Variants in CSTF3 observed in about 807,000 individuals in gnomAD.
CSTF3 encodes CF-1 77 kDa subunit.
CSTF3 carries 29 observed loss-of-function variants against 105.8 expected under a neutral mutation model. That is an observed-to-expected ratio of 0.27 (90% CI 0.20 to 0.37). CSTF3 has a LOEUF of 0.37. Ranked by LOEUF, CSTF3 falls within the 10% of genes least tolerant of loss-of-function variation. The pLI is 1.00. For missense variants in CSTF3, 357 were observed against 879.3 expected, an observed-to-expected ratio of 0.41 and a Z score of 7.51; for synonymous variants, 252 against 281.9, an observed-to-expected ratio of 0.89 and a Z score of 1.06.
chr11:33,123,179 T>A (rs12808685), intron 3 of CSTF3, among the ~76,000 whole-genome samples: 3 of 149,040 alleles, frequency 2.0e-5, no homozygotes, highest in African/African-American at 2.5e-5. Context: ...TGTGCTCTTG[T>A]AAAGATGAAA....
intron 1 of CSTF3, among the ~76,000 whole-genome samples, chr11:33,145,296 G>T (rs1002367108): frequency 6.6e-6 from 1 of 151,962 alleles, no homozygotes; most frequent in African/African-American, 2.4e-5. Flanking sequence ...AATTAGTGGG[G>T]CATGGTGGCA....
chr11:33,153,167 A>C (rs892974603), intron 1 of CSTF3, among the ~76,000 whole-genome samples: 1 of 152,168 alleles, frequency 6.6e-6, no homozygotes, highest in Non-Finnish European at 1.5e-5. Context: ...TGATCTTTTA[A>C]ATGTCTGGCT....
intron 3 of CSTF3, among the ~76,000 whole-genome samples, chr11:33,108,920 CAT>C (rs1454232532): frequency 6.6e-6 from 1 of 152,144 alleles, no homozygotes; most frequent in Non-Finnish European, 1.5e-5. Context: ...CCCCTGCCCT[CAT>C]AGAGCTTACA....
At chr11:33,127,702 G>GT (rs1432272195) in intron 3 of CSTF3, among the ~76,000 whole-genome samples, 5 of 152,144 alleles carry the variant, frequency 3.3e-5, no homozygotes, top group Non-Finnish European at 5.9e-5. Flanking sequence ...ATGTTTTTGG[G>GT]TTTTGAGAGA....
chr11:33,098,628 T>C, intron 13 of CSTF3, 62 bp downstream of exon 13: 1 of 972,914 alleles, frequency 1.0e-6, no homozygotes, highest in South Asian at 1.5e-5. Flanking sequence ...TATATAAATT[T>C]AAATTATTTT....
At chr11:33,155,433 A>AT (rs1849850730) in intron 1 of CSTF3, among the ~76,000 whole-genome samples, 1 of 151,908 alleles carries the variant, frequency 6.6e-6, no homozygotes, top group Non-Finnish European at 1.5e-5. Context: ...TCAAATAATT[A>AT]TATTTACCAT....
chr11:33,150,236 A>G (rs910742156), intron 1 of CSTF3, among the ~76,000 whole-genome samples: 13 of 91,762 alleles, frequency 1.4e-4, no homozygotes, highest in South Asian at 3.9e-4. Flanking sequence ...AAAAAAAAAA[A>G]AAAGAAAAGA....
chr11:33,085,354 T>C (rs1855093818), intron 20 of CSTF3, 65 bp from the exon 21 acceptor site: 1 of 1,050,546 alleles, frequency 9.5e-7, no homozygotes. Flanking sequence ...TATGTTCAAC[T>C]GTGGATACTT....
rs1855174492 is a variant in CSTF3 at position 33,091,990 on chromosome 11, CA to C, written c.1445+280del. Among the ~76,000 whole-genome samples, 4 of 152,256 alleles carry C rather than the reference CA, an allele frequency of 2.6e-5. No individual in the cohort carries two copies. The South Asian group carries it at 8.3e-4, about 32-fold the overall frequency. ...TTGGCCTCCCAAAATGCTGGGATTA[CA>C]GACATGAGCCACAATTTCTGGTTAG... On this transcript the variant is annotated intron_variant, in intron 16 of 20. Coordinates refer to ENST00000323959, the MANE Select transcript of CSTF3 (RefSeq NM_001326.3).
intron 3 of CSTF3, among the ~76,000 whole-genome samples, chr11:33,108,895 G>A (rs1288559630): frequency 6.6e-6 from 1 of 152,198 alleles, no homozygotes; most frequent in Non-Finnish European, 1.5e-5. Flanking sequence ...CTACCACTGT[G>A]ACAAGACAGG....
intron 8 of CSTF3, 88 bp downstream of exon 8, chr11:33,105,479 T>C: frequency 1.6e-6 from 2 of 1,268,998 alleles, no homozygotes; most frequent in African/African-American, 3.0e-5. Flanking sequence ...GTAACACTGA[T>C]ACAGAAAGGC....
chr11:33,096,652 C>G (rs913014075), intron 14 of CSTF3, among the ~76,000 whole-genome samples, 183 bp downstream of exon 14: 11 of 152,100 alleles, frequency 7.2e-5, no homozygotes, highest in African/African-American at 2.7e-4. Flanking sequence ...ATTAATGAAG[C>G]ATAAATTAGC....
At position 33,127,959 on chromosome 11, in the gene CSTF3, A is replaced by G. The variant is rs547897037; in HGVS notation, c.225+13708T>C. The stretch of plus-strand genomic sequence containing the variant: ...CAAATTAACTTAAATATTTATCCAA[A>G]AGGGGGGAAAACTTTCCATTTTTTC... On this transcript the variant is annotated intron_variant, in intron 3 of 20. Coordinates refer to ENST00000323959, the MANE Select transcript of CSTF3 (RefSeq NM_001326.3). Among the ~76,000 whole-genome samples, 4 of 152,308 alleles carry G rather than the reference A, an allele frequency of 2.6e-5. No homozygotes were observed. In the South Asian group the frequency reaches 6.2e-4, roughly 24 times the overall value.
At chr11:33,132,997 G>C (rs528159237) in intron 3 of CSTF3, among the ~76,000 whole-genome samples, 2 of 151,898 alleles carry the variant, frequency 1.3e-5, no homozygotes, top group South Asian at 4.1e-4. Context: ...CAATTTTTAA[G>C]TTTTCTTCCC....
chr11:33,122,914 C>CAAAAAAAAAAAAA (rs10600978), intron 3 of CSTF3, among the ~76,000 whole-genome samples: 21 of 83,766 alleles, frequency 2.5e-4, no homozygotes, highest in African/African-American at 7.0e-4. Flanking sequence ...TATCCTGTCT[C>CAAAAAAAAAAAAA]AAAAAAAAAA....
At chr11:33,156,431 G>C (rs546699482) in intron 1 of CSTF3, among the ~76,000 whole-genome samples, 36 of 152,102 alleles carry the variant, frequency 2.4e-4, no homozygotes, top group Non-Finnish European at 4.9e-4. Context: ...TCAATGCTGT[G>C]GGTGTTTCAA....
Position 33,085,988 on chromosome 11 carries a change from A to G in CSTF3, c.1797T>C (p.Pro599=). ...MIPFQPRHLA[P]PGLHPVPGGV... ...CACCAGGTACAGGGTGTAAACCTGGAGCTGTGAGAAAAAGAAAAGTATGAA... is the reference window on the plus strand; with the variant it reads ...CACCAGGTACAGGGTGTAAACCTGGGGCTGTGAGAAAAAGAAAAGTATGAA... The change falls in exon 19 of 21, where the codon CCT becomes CCC. Residue 599 remains proline, a splice_region_variant and synonymous_variant. Transcript: ENST00000323959. The G allele has an allele frequency of 6.8e-7, 1 of 1,478,428 alleles. No homozygotes were observed. The allele number at this position is 1,478,428 out of a possible 1,614,324, so 91.6% of individuals were successfully genotyped here. A position where few individuals can be genotyped will look rare whatever the true frequency, so the allele number is the denominator to read the frequency against.
intron 5 of CSTF3, among the ~76,000 whole-genome samples, 163 bp downstream of exon 5, chr11:33,107,738 CTT>C (rs1855341076): frequency 6.6e-6 from 1 of 152,220 alleles, no homozygotes; most frequent in Non-Finnish European, 1.5e-5. Flanking sequence ...ATGCCAGTGA[CTT>C]TCTCTGAAGC....
intron 5 of CSTF3, 29 bp downstream of exon 5, chr11:33,107,874 T>C (rs760478417): frequency 7.4e-7 from 1 of 1,347,112 alleles, no homozygotes; most frequent in Non-Finnish European, 1.1e-6. Context: ...GGAGATGACT[T>C]GCATTCTTAA....
Sources: gnomAD v4.1 joint callset for allele counts (sites outside exome capture counted in the v4.1 genomes callset) on GRCh38, gnomAD v4.1.1 for gene constraint, MANE v1.5 for transcripts, NCBI Gene and HGNC (gene_info 2026-07-23, HGNC 2026-07-21) for gene names.